Variants in BEND3 observed in about 807,000 individuals in gnomAD.
The protein encoded by BEND3 is BEN domain-containing protein 3.
Under a neutral mutation model 60.1 loss-of-function variants are expected in BEND3, and 13 were observed. The ratio of observed to expected loss-of-function variants is 0.22; its 90% CI spans 0.14 to 0.34. The LOEUF (loss-of-function observed/expected upper bound fraction) is 0.34, where lower values mean the gene tolerates loss of function less well. Among genes scored for constraint, BEND3 ranks in the 10% least tolerant of loss-of-function variants. BEND3 has a pLI of 1.00. For synonymous variants in BEND3, 497 were observed against 491.5 expected, an observed-to-expected ratio of 1.01 and a Z score of -0.15; for missense variants, 896 against 1,138.1, an observed-to-expected ratio of 0.79 and a Z score of 3.06.
At chr6:107,108,278 G>C (rs1481422599) in intron 1 of BEND3, among the ~76,000 whole-genome samples, 4 of 152,182 alleles carry the variant, frequency 2.6e-5, no homozygotes, top group African/African-American at 9.6e-5. Context: ...TGCGTCTTCT[G>C]AGTCTTGAGT....
chr6:107,070,571 G>C lies in BEND3; in HGVS notation c.620C>G (p.Thr207Arg), dbSNP rs61735665. The C allele has an allele frequency of 1.2e-6, 2 of 1,612,810 alleles. No homozygotes were observed. Among genetic ancestry groups the C allele is most frequent in the Non-Finnish European group, 1.7e-6 (2 of 1,180,028 alleles). Residue 207 changes from threonine to arginine, a missense_variant, in exon 4 of 4, where the codon ACG becomes AGG. This residue lies in a region of BEND3 where 846 missense variants were observed against 1,036.7 expected (regional missense o/e 0.82). Coordinates refer to ENST00000369042, the MANE Select transcript of BEND3 (RefSeq NM_001367314.1). This position sits in a 1 kb window ranked among gnomAD's most constrained non-coding sequence, Gnocchi z 6.9. ...GCTGTGCAGCTGGGACATGTTGGAC[G>C]TGAGGGTGTTCAGCATGTAGAACAT... is the stretch of plus-strand genomic sequence containing the variant. ...QKMFYMLNTL[T>R]SNMSQLHSKV... is the part of the protein sequence containing the mutation.
At chr6:107,105,576 G>T (rs528098711) in intron 1 of BEND3, among the ~76,000 whole-genome samples, 4 of 152,106 alleles carry the variant, frequency 2.6e-5, no homozygotes, top group Non-Finnish European at 5.9e-5. Context: ...GCTGTGGAGA[G>T]AGCAGACAGA....
intron 1 of BEND3, among the ~76,000 whole-genome samples, chr6:107,105,773 C>T (rs1336063991): frequency 6.6e-6 from 1 of 152,250 alleles, no homozygotes; most frequent in African/African-American, 2.4e-5. Context: ...GTCCTCGCCA[C>T]TGTGCTGAGG....
chr6:107,078,362 T>A (rs575031660), intron 3 of BEND3, among the ~76,000 whole-genome samples: 1 of 151,806 alleles, frequency 6.6e-6, no homozygotes, highest in Non-Finnish European at 1.5e-5. Flanking sequence ...CCTCCCTTGA[T>A]GGTGCCATGC....
rs1485557925 is a variant in BEND3 at position 107,069,104 on chromosome 6, T to C, written c.2087A>G (p.Lys696Arg). Residue 696 changes from lysine to arginine, a missense_variant, in exon 4 of 4, where the codon AAG becomes AGG. Lys to Arg is a conservative substitution (Grantham distance 26). This residue lies in a region of BEND3 where 846 missense variants were observed against 1,036.7 expected (regional missense o/e 0.82). Coordinates refer to ENST00000369042, the MANE Select transcript of BEND3 (RefSeq NM_001367314.1). ...GTCCAAGGGGATCTTGCAAAAGTCC[T>C]TGCTGCTCCTCTCGGGGGGCAGTGG... ...GPPLPPERSS[K>R]DFCKIPLDEL... The C allele has an allele frequency of 2.5e-6, 4 of 1,612,728 alleles. No homozygotes were observed. The highest frequency in any genetic ancestry group is 3.4e-6 in the Non-Finnish European group (4 of 1,179,942).
At chr6:107,078,555 T>A (rs371462445) in intron 3 of BEND3, among the ~76,000 whole-genome samples, 4 of 22,704 alleles carry the variant, frequency 1.8e-4, no homozygotes, top group Non-Finnish European at 2.8e-4. Flanking sequence ...CCTGGGTTCA[T>A]GCCATTCTCC....
In BEND3 at chr6:107,070,862, T is replaced by A; in HGVS notation, c.329A>T (p.Asn110Ile). The A allele has an allele frequency of 6.2e-7, 1 of 1,613,920 alleles. No homozygotes were observed. Among genetic ancestry groups the A allele is most frequent in the Non-Finnish European group, 8.5e-7 (1 of 1,180,022 alleles). The change falls in exon 4 of 4, where the codon AAT (asparagine) becomes ATT (isoleucine). Residue 110 changes from asparagine to isoleucine, a missense_variant. Transcript: ENST00000369042. The surrounding 1 kb of genome is among the most constrained non-coding windows in gnomAD (Gnocchi z 6.9). The part of the protein sequence containing the change: ...EQAGRGRSLG[N>I]VWPGEEEPCN... Reference sequence around the variant, plus strand: ...GGGCTCCTCCTCTCCAGGCCACACATTGCCCAGGCTCCTGCCCCTGCCGGC... The same window carrying A: ...GGGCTCCTCCTCTCCAGGCCACACAATGCCCAGGCTCCTGCCCCTGCCGGC...
chr6:107,084,324 C>T (rs970737352), intron 3 of BEND3, among the ~76,000 whole-genome samples: 7 of 152,350 alleles, frequency 4.6e-5, no homozygotes, highest in Admixed American at 2.0e-4. Context: ...CCCACACTTT[C>T]GTGGGTTCTA....
intron 3 of BEND3, among the ~76,000 whole-genome samples, chr6:107,079,982 C>A (rs139843390): frequency 1.3e-5 from 2 of 151,806 alleles, no homozygotes; most frequent in African/African-American, 4.8e-5. Context: ...CCTCCCGCCT[C>A]GGCCTCCCAA....
chr6:107,099,343 T>C (rs1775658368), intron 1 of BEND3, 47 bp from the exon 2 acceptor site: 4 of 1,525,290 alleles, frequency 2.6e-6, no homozygotes, highest in South Asian at 2.3e-5. Context: ...GCTTGATTTA[T>C]TTCTTAATTT....
In BEND3 at chr6:107,069,806, A is replaced by T; in HGVS notation, c.1385T>A (p.Met462Lys). Residue 462 changes from methionine to lysine, a missense_variant, in exon 4 of 4, where the codon ATG (methionine) becomes AAG (lysine). Met to Lys is a moderately conservative substitution (Grantham distance 95, BLOSUM62 -1). Transcript: ENST00000369042. ...CTGCAGCCAGGCCTCCTCCTCCTGC[A>T]TGTCAGGGAAGTAGATCTCCGTGTA... is the stretch of plus-strand genomic sequence containing the variant. ...RNYTEIYFPD[M>K]QEEEAWLQQC... 1 of 1,613,330 alleles carries T rather than the reference A, an allele frequency of 6.2e-7. No homozygotes were observed. The highest frequency in any genetic ancestry group is 8.5e-7 in the Non-Finnish European group (1 of 1,179,928).
At chr6:107,104,406 G>A (rs112704702) in intron 1 of BEND3, among the ~76,000 whole-genome samples, 4,885 of 151,944 alleles carry the variant, frequency 0.032, 188 homozygotes, top group Non-Finnish European at 0.043. Flanking sequence ...GATACATAAT[G>A]TGGCTTTTCC....
At position 107,095,835 on chromosome 6, in the gene BEND3, A is replaced by G. The variant is rs537280588; in HGVS notation, c.240+2716T>C. 3.9e-5 allele frequency among the ~76,000 whole-genome samples: 6 copies of G among 152,358 alleles called. No individual in the cohort carries two copies. The South Asian group carries it at 1.2e-3, about 32-fold the overall frequency. ...TGATTCCAACTTCACGACATTCTGG[A>G]AAAGATAAAAGTATGGAGATGGTAA... On this transcript the variant is annotated intron_variant, in intron 3 of 3. Coordinates refer to ENST00000369042, the MANE Select transcript of BEND3 (RefSeq NM_001367314.1).
At position 107,065,563 on chromosome 6, in the gene BEND3, C is replaced by T. The variant is rs1282125564; in HGVS notation, c.*3141G>A. 1 of 152,182 alleles carries T rather than the reference C, an allele frequency of 6.6e-6. No homozygotes were observed. Among genetic ancestry groups the T allele is most frequent in the East Asian group, 1.9e-4 (1 of 5,188 alleles). 9.4% of individuals were successfully genotyped at this position (152,182 alleles called of 1,614,324 possible). Reference sequence around the variant, plus strand: ...TATACAGTCGATCTACACAGCCAGGCGGGGTGCAAGCTCACGACCTCCACT... The same window carrying T: ...TATACAGTCGATCTACACAGCCAGGTGGGGTGCAAGCTCACGACCTCCACT... On this transcript the variant is annotated 3_prime_UTR_variant, in exon 4 of 4. Transcript: ENST00000369042.
At position 107,070,644 on chromosome 6, in the gene BEND3, C is replaced by T. The variant is rs1312652427; in HGVS notation, c.547G>A (p.Gly183Arg). The T allele has an allele frequency of 6.2e-6, 10 of 1,612,170 alleles. No homozygotes were observed. Among genetic ancestry groups the T allele is most frequent in the African/African-American group, 1.3e-5 (1 of 74,872 alleles). ...EPQKRDCGST[G>R]AGTDNDPNIY... The stretch of plus-strand genomic sequence containing the variant: ...TTGGGGTCGTTGTCAGTGCCTGCCC[C>T]GGTGCTGCCACAGTCCCGCTTCTGT... The change falls in exon 4 of 4, where the codon GGG becomes AGG. Residue 183 changes from glycine (G) to arginine (R), a missense_variant. This residue lies in a region of BEND3 where 846 missense variants were observed against 1,036.7 expected (regional missense o/e 0.82). Coordinates refer to ENST00000369042, the MANE Select transcript of BEND3 (RefSeq NM_001367314.1). The surrounding 1 kb of genome is among the most constrained non-coding windows in gnomAD (Gnocchi z 6.9).
intron 1 of BEND3, chr6:107,114,434 C>T (rs1295809556): frequency 2.6e-5 from 4 of 151,842 alleles, no homozygotes; most frequent in Non-Finnish European, 5.9e-5. Flanking sequence ...GGGGCCCATC[C>T]CTCTCCGCTC....
intron 1 of BEND3, among the ~76,000 whole-genome samples, chr6:107,113,337 C>G (rs1256425041): frequency 2.0e-5 from 3 of 148,292 alleles, no homozygotes; most frequent in East Asian, 4.1e-4. Context: ...CTCCGTGAGG[C>G]TGAGGCAGGA....
chr6:107,107,858 C>T (rs1324412687), intron 1 of BEND3, among the ~76,000 whole-genome samples: 2 of 152,136 alleles, frequency 1.3e-5, no homozygotes, highest in African/African-American at 4.8e-5. Flanking sequence ...TCCAATGAAA[C>T]ATAGAAACTG....
intron 3 of BEND3, among the ~76,000 whole-genome samples, chr6:107,083,851 G>C (rs1194307867): frequency 3.3e-5 from 5 of 152,210 alleles, no homozygotes; most frequent in Non-Finnish European, 5.9e-5. Context: ...CACTCTGGGA[G>C]GCCGAGGTGG....
Sources: allele counts gnomAD v4.1 joint callset (sites outside exome capture counted in the v4.1 genomes callset), GRCh38; gene constraint gnomAD v4.1.1; regional missense constraint gnomAD v4.1.1; non-coding constraint Gnocchi (gnomAD v3.1); transcripts MANE v1.5; gene names NCBI Gene and HGNC (gene_info 2026-07-23, HGNC 2026-07-21).